Variants in LIMD1 observed in about 807,000 individuals in gnomAD.
LIMD1 encodes LIM domain-containing protein 1.
A neutral mutation model predicts 58.4 loss-of-function variants in LIMD1; 23 were observed. That is an observed-to-expected ratio of 0.39 (90% CI 0.28 to 0.56). The LOEUF is 0.56. Among genes scored for constraint, LIMD1 ranks in the 20% least tolerant of loss-of-function variants. The probability of loss-of-function intolerance (pLI) is 0.57; values close to 1 mark genes in which losing one functional copy is unlikely to be tolerated. For missense variants in LIMD1, 838 were observed against 855.5 expected, an observed-to-expected ratio of 0.98 and a Z score of 0.25; for synonymous variants, 334 against 345.5, an observed-to-expected ratio of 0.97 and a Z score of 0.37.
intron 2 of LIMD1, among the ~76,000 whole-genome samples, chr3:45,654,920 A>AT (rs199987395): frequency 0.12 from 17,448 of 140,572 alleles, 1,490 homozygotes; most frequent in South Asian, 0.43. Flanking sequence ...TTATCAGTCA[A>AT]TTTTTTTTTT....
chr3:45,661,310 G>T (rs541109782), intron 2 of LIMD1, among the ~76,000 whole-genome samples: 5 of 152,186 alleles, frequency 3.3e-5, no homozygotes, highest in Admixed American at 3.3e-4. Flanking sequence ...ACATAATTTT[G>T]TCATCATATA....
intron 1 of LIMD1, among the ~76,000 whole-genome samples, chr3:45,614,425 A>G (rs1420541299): frequency 6.6e-6 from 1 of 150,912 alleles, no homozygotes. Context: ...AAAAAAAAAA[A>G]AAGGAAATCC....
intron 1 of LIMD1, among the ~76,000 whole-genome samples, chr3:45,606,655 G>A (rs891508168): frequency 4.6e-5 from 7 of 152,210 alleles, no homozygotes; most frequent in African/African-American, 1.2e-4. Flanking sequence ...AGGGGTGCTC[G>A]TGTGACATCC....
At position 45,596,176 on chromosome 3, in the gene LIMD1, C is replaced by A; in HGVS notation, c.1297C>A (p.Pro433Thr). ...SSPRVRLPCQ[P>T]LVPGPELRPS... ...CCCTAGGGTAAGGCTGCCCTGCCAG[C>A]CCCTCGTCCCAGGTCCTGAGCTGAG... The change falls in exon 1 of 8, where the codon CCC becomes ACC. Residue 433 changes from proline (P) to threonine (T), a missense_variant. Physicochemically the swap from Pro to Thr is conservative, Grantham distance 38 (BLOSUM62 -1). Transcript: ENST00000273317. The A allele has an allele frequency of 6.2e-7, 1 of 1,614,000 alleles. No individual in the cohort carries two copies. The highest frequency in any genetic ancestry group is 8.5e-7 in the Non-Finnish European group (1 of 1,179,948).
intron 1 of LIMD1, among the ~76,000 whole-genome samples, chr3:45,611,617 T>A (rs1211652835): frequency 6.6e-6 from 1 of 152,196 alleles, no homozygotes; most frequent in Non-Finnish European, 1.5e-5. Context: ...TCCCTCTGTG[T>A]AGGCTATGGA....
intron 2 of LIMD1, among the ~76,000 whole-genome samples, chr3:45,660,395 G>A (rs1415908966): frequency 1.4e-5 from 2 of 147,674 alleles, no homozygotes; most frequent in Non-Finnish European, 3.0e-5. Flanking sequence ...GCTTCTCTTA[G>A]GTGGGCTGTC....
rs1697507156 is a variant in LIMD1, at chr3:45,665,733, A to G, written c.1578+16A>G. 6.2e-7 allele frequency: 1 copy of G among 1,611,144 alleles called. No individual in the cohort carries two copies. The highest frequency in any genetic ancestry group is 1.3e-5 in the African/African-American group (1 of 74,836). Reference sequence around the variant, plus strand: ...AGACTTCCTGGTGAGTGTGTCACCGAAGCCTCCCCTTGCATGTCCTGGCCA... The same window carrying G: ...AGACTTCCTGGTGAGTGTGTCACCGGAGCCTCCCCTTGCATGTCCTGGCCA... On this transcript the variant is annotated intron_variant, in intron 3 of 7. Coordinates refer to ENST00000273317, the MANE Select transcript of LIMD1 (RefSeq NM_014240.3).
chr3:45,649,840 G>GTTTT (rs1315471606), intron 2 of LIMD1, among the ~76,000 whole-genome samples: 3 of 64,006 alleles, frequency 4.7e-5, no homozygotes, highest in African/African-American at 2.8e-4. Flanking sequence ...GTTCCTTGAA[G>GTTTT]TTTTTTTGTT....
chr3:45,655,435 A>T (rs1009583189), intron 2 of LIMD1, among the ~76,000 whole-genome samples: 1 of 152,174 alleles, frequency 6.6e-6, no homozygotes, highest in Non-Finnish European at 1.5e-5. Context: ...CCCCCAGTTT[A>T]TGTTTGATGC....
chr3:45,674,280 A>G (rs955359257), intron 6 of LIMD1, 63 bp from the exon 7 acceptor site: 3 of 1,359,480 alleles, frequency 2.2e-6, no homozygotes, highest in African/African-American at 1.4e-5. Flanking sequence ...CCCACGGTAC[A>G]TCAAGCCCGA....
At chr3:45,625,266 C>T (rs1338439813) in intron 1 of LIMD1, among the ~76,000 whole-genome samples, 2 of 152,052 alleles carry the variant, frequency 1.3e-5, no homozygotes, top group Non-Finnish European at 2.9e-5. Flanking sequence ...CTGTTGTGCA[C>T]AGAGAAAGTT....
Position 45,595,684 on chromosome 3 carries a change from C to CAGCG in LIMD1, c.806_809dup (p.Val271AlafsTer52). The CAGCG allele has an allele frequency of 6.2e-7, 1 of 1,614,174 alleles. No homozygotes were observed. Among genetic ancestry groups the CAGCG allele is most frequent in the Non-Finnish European group, 8.5e-7 (1 of 1,180,036 alleles). ...AGGCCTTTGGTCCACTGCCTCCTCCCAGCGGGTGAGCCCTGGCCTGCCTTC... is the reference window on the plus strand; with the variant it reads ...AGGCCTTTGGTCCACTGCCTCCTCCCAGCGAGCGGGTGAGCCCTGGCCTGCCTTC... On this transcript the variant is annotated frameshift_variant, in exon 1 of 8. Coordinates refer to ENST00000273317, the MANE Select transcript of LIMD1 (RefSeq NM_014240.3). LOFTEE classifies it high-confidence loss of function.
intron 1 of LIMD1, 24 bp downstream of exon 1, chr3:45,596,311 G>T (rs1365165819): frequency 6.4e-7 from 1 of 1,553,430 alleles, no homozygotes; most frequent in Non-Finnish European, 8.7e-7. Context: ...TGGTGGAGTT[G>T]CCTATGGTGG....
At chr3:45,668,504 A>C in intron 4 of LIMD1, 148 bp downstream of exon 4, 1 of 589,500 alleles carries the variant, frequency 1.7e-6, no homozygotes, top group South Asian at 2.1e-5. Flanking sequence ...TAATCCCAGC[A>C]CTTTGGGAGG....
Position 45,595,577 on chromosome 3 carries a change from C to T in LIMD1, c.698C>T (p.Ser233Phe), listed in dbSNP as rs1701337747. The T allele has an allele frequency of 9.3e-6, 15 of 1,614,124 alleles. No individual in the cohort carries two copies. The highest frequency in any genetic ancestry group is 1.3e-5 in the Non-Finnish European group (15 of 1,180,030). Reference sequence around the variant, plus strand: ...CATCCCCTAAATCACCGACAGCTCTCCCTGAGCTCCAGCAGGTCTTCTGAG... The same window carrying T: ...CATCCCCTAAATCACCGACAGCTCTTCCTGAGCTCCAGCAGGTCTTCTGAG... ...GDHPLNHRQLSLSSSRSSEGS... is the reference protein window; with the variant it reads ...GDHPLNHRQLFLSSSRSSEGS... The change falls in exon 1 of 8, where the codon TCC becomes TTC. Residue 233 changes from serine (S) to phenylalanine (F), a missense_variant. By Grantham distance (155) the Ser-to-Phe change is radical. Around this residue, in one of 3 missense-constraint regions of LIMD1, gnomAD observed 659 missense variants for 639.8 expected, o/e 1.03. Transcript: ENST00000273317.
chr3:45,599,572 C>T (rs1701391108), intron 1 of LIMD1, among the ~76,000 whole-genome samples: 2 of 152,204 alleles, frequency 1.3e-5, no homozygotes, highest in Admixed American at 6.5e-5. Context: ...GCATGCTGTT[C>T]CACTGCACAG....
At position 45,665,630 on chromosome 3, in the gene LIMD1, G is replaced by T; in HGVS notation, c.1511-20G>T. Reference sequence around the variant, plus strand: ...TAAAATTTTTCTTTTTTTACCCTGTGTTTGTGATTTTTTCCTTAGGCCGGA... The same window carrying T: ...TAAAATTTTTCTTTTTTTACCCTGTTTTTGTGATTTTTTCCTTAGGCCGGA... On this transcript the variant is annotated intron_variant, in intron 2 of 7. Transcript: ENST00000273317. 6.2e-7 allele frequency: 1 copy of T among 1,610,332 alleles called. No individual in the cohort carries two copies. The highest frequency in any genetic ancestry group is 1.3e-5 in the African/African-American group (1 of 74,844).
intron 1 of LIMD1, chr3:45,632,397 T>A (rs1393308100): frequency 3.0e-6 from 1 of 338,220 alleles, no homozygotes; most frequent in African/African-American, 2.2e-5. Flanking sequence ...TAGATGTCCA[T>A]AGAACCCATT....
At chr3:45,622,326 C>T (rs954317940) in intron 1 of LIMD1, among the ~76,000 whole-genome samples, 2 of 152,100 alleles carry the variant, frequency 1.3e-5, no homozygotes, top group African/African-American at 4.8e-5. Context: ...GTAGTCTGCC[C>T]TCATGCGTGA....
Sources: allele counts gnomAD v4.1 joint callset (sites outside exome capture counted in the v4.1 genomes callset), GRCh38; gene constraint gnomAD v4.1.1; regional missense constraint gnomAD v4.1.1; transcripts MANE v1.5; gene names NCBI Gene and HGNC (gene_info 2026-07-23, HGNC 2026-07-21).